The following TRABD2B variants were observed in gnomAD, a reference collection of about 807,000 sequenced individuals.
TRABD2B encodes the protein TraB domain containing 2B, also known as metalloprotease TIKI2.
A neutral mutation model predicts 40.1 loss-of-function variants in TRABD2B; 14 were observed. The ratio of observed to expected loss-of-function variants is 0.35; its 90% CI spans 0.23 to 0.55. The LOEUF is 0.55. Among genes scored for constraint, TRABD2B ranks in the 20% least tolerant of loss-of-function variants. The pLI is 0.90. For missense variants in TRABD2B, 541 were observed against 648.6 expected (o/e 0.83, Z 1.80); for synonymous variants, 263 against 277.0 (o/e 0.95, Z 0.50).
Position 47,910,138 on chromosome 1 carries a change from G to A in TRABD2B, c.666+83896C>T, listed in dbSNP as rs150101645. On this transcript the variant is annotated intron_variant, in intron 2 of 6. Transcript: ENST00000606738. ...GCTTCCCAAAGTGCTGGGATTGTAC[G>A]TGTGAGCTACTGTGCCTGGCAGGGA... 6.1e-4 allele frequency among the ~76,000 whole-genome samples: 93 copies of A among 152,186 alleles called. No homozygotes were observed. The Middle Eastern group carries it at 0.017, about 28-fold the overall frequency.
At chr1:47,863,372 T>TTATTTATATTTA (rs568340180) in intron 2 of TRABD2B, among the ~76,000 whole-genome samples, 3 of 66,496 alleles carry the variant, frequency 4.5e-5, no homozygotes, top group African/African-American at 1.6e-4. Context: ...CTATATAATT[T>TTATTTATATTTA]TATATATATA....
chr1:47,947,302 C>T (rs1645272896), intron 2 of TRABD2B, among the ~76,000 whole-genome samples: 1 of 152,096 alleles, frequency 6.6e-6, no homozygotes, highest in Non-Finnish European at 1.5e-5. Flanking sequence ...GAGATTTGTG[C>T]TACTTTCTCC....
chr1:47,824,812 T>C (rs1449383864), intron 2 of TRABD2B, among the ~76,000 whole-genome samples: 4 of 152,208 alleles, frequency 2.6e-5, no homozygotes, highest in Non-Finnish European at 5.9e-5. Flanking sequence ...TCATGGGCAG[T>C]TACCAGAGTG....
In TRABD2B at chr1:47,831,415, C is replaced by T. The variant is rs138092247; in HGVS notation, c.667-29796G>A. Among the ~76,000 whole-genome samples the T allele has an allele frequency of 1.6e-3, 237 of 152,222 alleles. 2 individuals carry two copies. The highest frequency in any genetic ancestry group is 6.6e-3 in the Admixed American group (101 of 15,288). Reference sequence around the variant, plus strand: ...GGAGCCTGGGGCTCCTTTGCTGCTGCGGGCGCAGTGTGAACGTCTTTTGTG... The same window carrying T: ...GGAGCCTGGGGCTCCTTTGCTGCTGTGGGCGCAGTGTGAACGTCTTTTGTG... On this transcript the variant is annotated intron_variant, in intron 2 of 6. Coordinates refer to ENST00000606738, the MANE Select transcript of TRABD2B (RefSeq NM_001194986.2).
intron 3 of TRABD2B, among the ~76,000 whole-genome samples, chr1:47,799,540 C>T (rs1644791174): frequency 6.6e-6 from 1 of 152,188 alleles, no homozygotes; most frequent in African/African-American, 2.4e-5. Flanking sequence ...GGGTGACAGT[C>T]ACTCACTGCC....
rs148183412 is a variant in TRABD2B at position 47,901,443 on chromosome 1, G to A, written c.666+92591C>T. 9.8e-5 allele frequency among the ~76,000 whole-genome samples: 15 copies of A among 152,300 alleles called. No homozygotes were observed. The East Asian group carries it at 1.2e-3, about 12-fold the overall frequency. On this transcript the variant is annotated intron_variant, in intron 2 of 6. Coordinates refer to ENST00000606738, the MANE Select transcript of TRABD2B (RefSeq NM_001194986.2). ...TCTTGCTCAGCCAGCATGGCTCAGCGGCAGGGGGCATGGACAGCCTGCTTT... is the reference window on the plus strand; with the variant it reads ...TCTTGCTCAGCCAGCATGGCTCAGCAGCAGGGGGCATGGACAGCCTGCTTT...
chr1:47,992,864 C>A (rs894377929), intron 2 of TRABD2B, among the ~76,000 whole-genome samples: 3 of 152,214 alleles, frequency 2.0e-5, no homozygotes, highest in Non-Finnish European at 2.9e-5. Flanking sequence ...GGAGAGCCAG[C>A]AGGAGAACCG....
chr1:47,958,475 C>T (rs1350871406), intron 2 of TRABD2B, among the ~76,000 whole-genome samples: 1 of 133,858 alleles, frequency 7.5e-6, no homozygotes. Context: ...ATCTCATGTG[C>T]AGAGACACAC....
At chr1:47,798,688 C>T (rs1644780551) in intron 3 of TRABD2B, among the ~76,000 whole-genome samples, 1 of 152,222 alleles carries the variant, frequency 6.6e-6, no homozygotes, top group South Asian at 2.1e-4. Context: ...CTCCACCCCT[C>T]AGCATCCCCT....
intron 2 of TRABD2B, among the ~76,000 whole-genome samples, chr1:47,981,141 G>A (rs138388367): frequency 2.0e-5 from 3 of 152,186 alleles, no homozygotes; most frequent in African/African-American, 7.2e-5. Flanking sequence ...AGCCTCCCAA[G>A]TAGCTGAGAT....
chr1:47,873,148 A>G (rs1253322846), intron 2 of TRABD2B, among the ~76,000 whole-genome samples: 1 of 152,114 alleles, frequency 6.6e-6, no homozygotes, highest in Non-Finnish European at 1.5e-5. Flanking sequence ...CATTAATCCT[A>G]TCGTGAGGGC....
At chr1:47,856,672 TAC>T (rs1202298706) in intron 2 of TRABD2B, among the ~76,000 whole-genome samples, 1 of 152,214 alleles carries the variant, frequency 6.6e-6, no homozygotes, top group East Asian at 1.9e-4. Context: ...AAGCTCTGGT[TAC>T]ACACTGTCCA....
At chr1:47,974,724 C>A (rs1274022317) in intron 2 of TRABD2B, among the ~76,000 whole-genome samples, 1 of 152,132 alleles carries the variant, frequency 6.6e-6, no homozygotes, top group Non-Finnish European at 1.5e-5. Context: ...TTGTTCACAG[C>A]AACTCCTTTC....
At chr1:47,964,598 A>G (rs1230403141) in intron 2 of TRABD2B, among the ~76,000 whole-genome samples, 1 of 152,166 alleles carries the variant, frequency 6.6e-6, no homozygotes, top group Non-Finnish European at 1.5e-5. Context: ...TGAGCCATGG[A>G]TATTGATATA....
At chr1:47,954,706 G>A (rs1218971669) in intron 2 of TRABD2B, among the ~76,000 whole-genome samples, 2 of 152,156 alleles carry the variant, frequency 1.3e-5, no homozygotes, top group Admixed American at 6.5e-5. Flanking sequence ...TTTCAGCAGA[G>A]GGGCCAGGCT....
At position 47,996,713 on chromosome 1, in the gene TRABD2B, C is replaced by A; in HGVS notation, c.77G>T (p.Gly26Val). 1 of 1,229,072 alleles carries A rather than the reference C, an allele frequency of 8.1e-7. No homozygotes were observed. The highest frequency in any genetic ancestry group is 4.1e-5 in the South Asian group (1 of 24,370). The allele number at this position is 1,229,072 out of a possible 1,614,324, so 76.1% of individuals were successfully genotyped here. A position where few individuals can be genotyped will look rare whatever the true frequency, so the allele number is the denominator to read the frequency against. The change falls in exon 1 of 7, where the codon GGA becomes GTA. Residue 26 changes from glycine to valine, a missense_variant. Physicochemically the swap from Gly to Val is moderately radical, Grantham distance 109. This residue lies in a region of TRABD2B where 369 missense variants were observed against 492.8 expected (regional missense o/e 0.75). Transcript: ENST00000606738. This position sits in a 1 kb window ranked among gnomAD's most constrained non-coding sequence, Gnocchi z 4.6. Reference sequence around the variant, plus strand: ...CGATCCGGGCGGCCGGCACTGTCCTCCGTCCGGGGGCTGCGGGCGGGCGCG... The same window carrying A: ...CGATCCGGGCGGCCGGCACTGTCCTACGTCCGGGGGCTGCGGGCGGGCGCG... ...TARARPQPPD[G>V]GQCRPPGSQR... is the part of the protein sequence containing the mutation.
intron 2 of TRABD2B, among the ~76,000 whole-genome samples, chr1:47,839,624 G>A (rs1645368048): frequency 6.6e-6 from 1 of 152,190 alleles, no homozygotes; most frequent in East Asian, 1.9e-4. Context: ...AGGGCAGAGA[G>A]AGAATGAACT....
chr1:47,979,070 G>C (rs1302113303), intron 2 of TRABD2B, among the ~76,000 whole-genome samples: 1 of 152,128 alleles, frequency 6.6e-6, no homozygotes, highest in Non-Finnish European at 1.5e-5. Flanking sequence ...AGGCTGAGAA[G>C]GCTCTCAGTG....
At chr1:47,809,165 C>G (rs1377552651) in intron 2 of TRABD2B, among the ~76,000 whole-genome samples, 2 of 152,144 alleles carry the variant, frequency 1.3e-5, no homozygotes, top group African/African-American at 4.8e-5. Context: ...GAACTCTGAG[C>G]CATGGACTGC....
Sources: allele counts gnomAD v4.1 joint callset (sites outside exome capture counted in the v4.1 genomes callset), GRCh38; gene constraint gnomAD v4.1.1; regional missense constraint gnomAD v4.1.1; non-coding constraint Gnocchi (gnomAD v3.1); transcripts MANE v1.5; gene names NCBI Gene and HGNC (gene_info 2026-07-23, HGNC 2026-07-21).